DGKG: variants seen among roughly 807,000 people sequenced by gnomAD.
DGKG encodes DAG kinase gamma.
DGKG carries 78 observed loss-of-function variants against 105.3 expected under a neutral mutation model. The ratio of observed to expected loss-of-function variants is 0.74; its 90% CI spans 0.62 to 0.89. DGKG has a LOEUF of 0.89. Ranked by LOEUF, DGKG falls within the 40% of genes least tolerant of loss-of-function variation. The probability of loss-of-function intolerance (pLI) is 0.00; values close to 1 mark genes in which losing one functional copy is unlikely to be tolerated. For missense variants in DGKG, 958 were observed against 1,020.1 expected (o/e 0.94, Z 0.83); for synonymous variants, 346 against 367.1 (o/e 0.94, Z 0.66).
chr3:186,254,185 C>T (rs1462904171), intron 17 of DGKG, among the ~76,000 whole-genome samples: 1 of 152,142 alleles, frequency 6.6e-6, no homozygotes, highest in Non-Finnish European at 1.5e-5. Flanking sequence ...GACCTCAGCA[C>T]GCATGGTGCC....
In DGKG at chr3:186,148,792, G is replaced by T. The variant is rs751411907; in HGVS notation, c.*1298C>A. On this transcript the variant is annotated 3_prime_UTR_variant, in exon 25 of 25. Transcript: ENST00000265022. ...TCGGTCTCTTCGTTCATAATAGGGAGCTACTTTCATTCCCCTTAACCCTTG... is the reference window on the plus strand; with the variant it reads ...TCGGTCTCTTCGTTCATAATAGGGATCTACTTTCATTCCCCTTAACCCTTG... The T allele has an allele frequency of 1.0e-6, 1 of 985,378 alleles. No individual in the cohort carries two copies. The highest frequency in any genetic ancestry group is 1.2e-6 in the Non-Finnish European group (1 of 829,894). The allele number at this position is 985,378 out of a possible 1,614,324, so 61.0% of individuals were successfully genotyped here. A position where few individuals can be genotyped will look rare whatever the true frequency, so the allele number is the denominator to read the frequency against.
At position 186,154,115 on chromosome 3, in the gene DGKG, AAAAAG is replaced by A. The variant is rs1273573744; in HGVS notation, c.2278-3932_2278-3928del. Reference sequence around the variant, plus strand: ...TTGTCTCAACAACAACAAAACAACAAAAAAGAAAAGTGTCTGAGGTCTGCTGTAAT... The same window carrying A: ...TTGTCTCAACAACAACAAAACAACAAAAAAGTGTCTGAGGTCTGCTGTAAT... On this transcript the variant is annotated intron_variant, in intron 24 of 24. Coordinates refer to ENST00000265022, the MANE Select transcript of DGKG (RefSeq NM_001346.3). Among the ~76,000 whole-genome samples, 4 of 152,156 alleles carry A rather than the reference AAAAAG, an allele frequency of 2.6e-5. No homozygotes were observed. In the East Asian group the frequency reaches 7.7e-4, roughly 29 times the overall value.
chr3:186,311,682 C>T (rs1461790353), intron 2 of DGKG, among the ~76,000 whole-genome samples: 2 of 152,180 alleles, frequency 1.3e-5, no homozygotes, highest in East Asian at 1.9e-4. Flanking sequence ...CACACAGACA[C>T]CTTTGTTGCC....
chr3:186,250,257 C>A (rs564559821), intron 19 of DGKG, among the ~76,000 whole-genome samples: 17 of 152,244 alleles, frequency 1.1e-4, no homozygotes, highest in African/African-American at 4.1e-4. Context: ...GCTGTTCTCA[C>A]TTACAAGTGG....
At chr3:186,170,254 G>C (rs1256497777) in intron 22 of DGKG, among the ~76,000 whole-genome samples, 2 of 152,206 alleles carry the variant, frequency 1.3e-5, no homozygotes, top group African/African-American at 4.8e-5. Flanking sequence ...ATTTCCAGAT[G>C]ATGAAAAAAT....
chr3:186,149,246 T>C lies in DGKG; in HGVS notation c.*844A>G, dbSNP rs1020086669. The C allele has an allele frequency of 7.1e-6, 7 of 984,976 alleles. No individual in the cohort carries two copies. The highest frequency in any genetic ancestry group is 1.8e-5 in the African/African-American group (1 of 57,106). The allele number at this position is 984,976 out of a possible 1,614,324, so 61.0% of individuals were successfully genotyped here. On this transcript the variant is annotated 3_prime_UTR_variant, in exon 25 of 25. Coordinates refer to ENST00000265022, the MANE Select transcript of DGKG (RefSeq NM_001346.3). The stretch of plus-strand genomic sequence containing the variant: ...AAGAAGCTGGGGGTGGTTTTTTTTT[T>C]CCTTCCCTTTTTACACAATATTATG...
At chr3:186,209,616 G>C (rs975700288) in intron 21 of DGKG, among the ~76,000 whole-genome samples, 5 of 152,068 alleles carry the variant, frequency 3.3e-5, no homozygotes, top group African/African-American at 1.2e-4. Context: ...CAAAGGCCTG[G>C]CCTGTTGTCT....
Position 186,268,810 on chromosome 3 carries a change from G to T in DGKG, c.1107C>A (p.Cys369Ter). Residue 369 changes from cysteine (C) to a stop codon, truncating the protein, a stop_gained, in exon 12 of 25, where the codon TGC becomes TGA. Transcript: ENST00000265022. LOFTEE classifies it high-confidence loss of function. Reference sequence around the variant, plus strand: ...CTGGGCGCCAACCCACCGTCATCCGGCACCACACGCAGTGCCGCGCGGTGA... The same window carrying T: ...CTGGGCGCCAACCCACCGTCATCCGTCACCACACGCAGTGCCGCGCGGTGA... ...QSVTARHCVW[C>*]RMTFHRKCEL... The T allele has an allele frequency of 3.1e-6, 5 of 1,611,608 alleles. No homozygotes were observed. The highest frequency in any genetic ancestry group is 3.4e-6 in the Non-Finnish European group (4 of 1,178,270).
intron 20 of DGKG, among the ~76,000 whole-genome samples, chr3:186,235,303 T>C (rs186723673): frequency 2.1e-4 from 32 of 152,316 alleles, no homozygotes; most frequent in Non-Finnish European, 4.3e-4. Flanking sequence ...CTTTTCTGAA[T>C]CCCAGATATT....
intron 22 of DGKG, among the ~76,000 whole-genome samples, chr3:186,165,971 A>C (rs187088545): frequency 3.0e-4 from 45 of 152,354 alleles, no homozygotes; most frequent in African/African-American, 1.0e-3. Context: ...ACATCCTCTT[A>C]ATATCCACAA....
rs549843188 is a variant in DGKG, at chr3:186,157,572, C to G, written c.2277+4031G>C. Among the ~76,000 whole-genome samples, 11 of 152,194 alleles carry G rather than the reference C, an allele frequency of 7.2e-5. No homozygotes were observed. The South Asian group carries it at 2.3e-3, about 32-fold the overall frequency. ...AGTATGGAAGATCTCACCAATAAGG[C>G]CATCTGTTTTAAGATCATTTAGTAT... On this transcript the variant is annotated intron_variant, in intron 24 of 24. Coordinates refer to ENST00000265022, the MANE Select transcript of DGKG (RefSeq NM_001346.3).
intron 24 of DGKG, among the ~76,000 whole-genome samples, chr3:186,152,029 A>C (rs1578593069): frequency 2.0e-5 from 3 of 152,248 alleles, no homozygotes; most frequent in African/African-American, 7.2e-5. Context: ...TGGTGAGCCA[A>C]GATTGCACCA....
chr3:186,260,545 G>C, intron 15 of DGKG, 32 bp from the exon 16 acceptor site: 8 of 1,476,202 alleles, frequency 5.4e-6, no homozygotes, highest in Non-Finnish European at 6.6e-6. Flanking sequence ...GAGGGAGAGA[G>C]AGAGACAGAG....
At chr3:186,301,943 T>C (rs1394513707) in intron 3 of DGKG, among the ~76,000 whole-genome samples, 1 of 152,204 alleles carries the variant, frequency 6.6e-6, no homozygotes, top group African/African-American at 2.4e-5. Context: ...ATGCACTCTG[T>C]CCATGCTGAC....
chr3:186,308,273 A>G (rs185629542), intron 2 of DGKG, among the ~76,000 whole-genome samples: 4 of 152,352 alleles, frequency 2.6e-5, no homozygotes, highest in Admixed American at 2.6e-4. Flanking sequence ...AAGAGACTCA[A>G]TAATTGTTAT....
chr3:186,301,983 T>C (rs1265647039), intron 3 of DGKG, among the ~76,000 whole-genome samples: 1 of 152,188 alleles, frequency 6.6e-6, no homozygotes, highest in Non-Finnish European at 1.5e-5. Flanking sequence ...CAACCCTCCA[T>C]GCACTCTACC....
intron 24 of DGKG, among the ~76,000 whole-genome samples, chr3:186,156,479 C>A (rs1336530532): frequency 6.6e-6 from 1 of 152,014 alleles, no homozygotes; most frequent in Non-Finnish European, 1.5e-5. Context: ...CATTATCATG[C>A]CAATAGCATG....
At chr3:186,278,779 C>A (rs1162919718) in intron 9 of DGKG, among the ~76,000 whole-genome samples, 1 of 152,124 alleles carries the variant, frequency 6.6e-6, no homozygotes, top group African/African-American at 2.4e-5. Flanking sequence ...AGAGGCTCAC[C>A]CAGCTGCACT....
At position 186,164,992 on chromosome 3, in the gene DGKG, C is replaced by G; in HGVS notation, c.2122G>C (p.Val708Leu). 6.2e-7 allele frequency: 1 copy of G among 1,613,804 alleles called. No individual in the cohort carries two copies. ...QDLSDQLLEV[V>L]GLEGAMEMGQ... ...ATCTCCATGGCTCCTTCTAGCCCCA[C>G]CACTTCAAGGAGCTGGTCACTGAGG... The change falls in exon 23 of 25, where the codon GTG becomes CTG. Residue 708 changes from valine (V) to leucine (L), a missense_variant. By Grantham distance (32) the Val-to-Leu change is conservative. Around this residue, in one of 2 missense-constraint regions of DGKG, gnomAD observed 315 missense variants for 400.6 expected, o/e 0.79. Coordinates refer to ENST00000265022, the MANE Select transcript of DGKG (RefSeq NM_001346.3).
Sources: allele counts gnomAD v4.1 joint callset (sites outside exome capture counted in the v4.1 genomes callset), GRCh38; gene constraint gnomAD v4.1.1; regional missense constraint gnomAD v4.1.1; transcripts MANE v1.5; gene names NCBI Gene and HGNC (gene_info 2026-07-23, HGNC 2026-07-21).